The following DLG2 variants were observed in gnomAD, a reference collection of about 807,000 sequenced individuals.
DLG2 encodes discs large MAGUK scaffold protein 2.
DLG2 carries 45 observed loss-of-function variants against 132.5 expected under a neutral mutation model. That is an observed-to-expected ratio of 0.34 (90% CI 0.27 to 0.44). The LOEUF is 0.44. DLG2 is among the 20% of genes least tolerant of loss of function. DLG2 has a pLI of 1.00. For missense variants in DLG2, 1,045 were observed against 1,196.9 expected (o/e 0.87, Z 1.87); for synonymous variants, 424 against 419.6 (o/e 1.01, Z -0.13).
chr11:85,139,674 A>G (rs1016958940), intron 5 of DLG2, among the ~76,000 whole-genome samples: 1 of 151,972 alleles, frequency 6.6e-6, no homozygotes, highest in African/African-American at 2.4e-5. Context: ...CATGAATCCC[A>G]TATATAATAC....
intron 6 of DLG2, among the ~76,000 whole-genome samples, chr11:84,929,595 G>C (rs554538759): frequency 1.3e-5 from 2 of 152,172 alleles, no homozygotes; most frequent in African/African-American, 4.8e-5. Flanking sequence ...ATTCTGAACT[G>C]TTGAAAACTT....
At chr11:84,546,517 A>G in intron 6 of DLG2, 1 of 322,908 alleles carries the variant, frequency 3.1e-6, no homozygotes, top group South Asian at 2.9e-5. Flanking sequence ...TGATACAGCC[A>G]TCAACAAATA....
chr11:83,851,762 A>C (rs929902935), intron 16 of DLG2, among the ~76,000 whole-genome samples: 1 of 151,584 alleles, frequency 6.6e-6, no homozygotes, highest in African/African-American at 2.4e-5. Context: ...TCTGCTAAAA[A>C]AACAAAAATT....
At chr11:84,650,865 G>GTATATATA (rs1416161421) in intron 6 of DLG2, among the ~76,000 whole-genome samples, 1,254 of 87,620 alleles carry the variant, frequency 0.014, 12 homozygotes, top group Non-Finnish European at 0.021. Flanking sequence ...GTGTGTGTGT[G>GTATATATA]TGTGTGTGTA....
At chr11:84,184,966 T>G (rs1035977666) in intron 8 of DLG2, among the ~76,000 whole-genome samples, 1 of 152,226 alleles carries the variant, frequency 6.6e-6, no homozygotes, top group Non-Finnish European at 1.5e-5. Context: ...CTGTTTTGGT[T>G]ACTGTAGCCT....
At chr11:85,515,480 C>T (rs1171299420) in intron 3 of DLG2, among the ~76,000 whole-genome samples, 2 of 151,962 alleles carry the variant, frequency 1.3e-5, no homozygotes, top group African/African-American at 2.4e-5. Flanking sequence ...TTGTAAACCT[C>T]TTAGTCTTAA....
At chr11:83,862,286 G>A (rs959932619) in intron 16 of DLG2, among the ~76,000 whole-genome samples, 1 of 152,036 alleles carries the variant, frequency 6.6e-6, no homozygotes, top group Non-Finnish European at 1.5e-5. Context: ...TCCTGTCATT[G>A]GCAACAACAC....
intron 15 of DLG2, among the ~76,000 whole-genome samples, chr11:83,921,681 C>G (rs1344174248): frequency 6.6e-6 from 1 of 152,102 alleles, no homozygotes; most frequent in Non-Finnish European, 1.5e-5. Flanking sequence ...GTTTCCTTCA[C>G]AAAGGAATGC....
At chr11:85,048,519 A>G (rs962826213) in intron 6 of DLG2, among the ~76,000 whole-genome samples, 1 of 151,988 alleles carries the variant, frequency 6.6e-6, no homozygotes, top group East Asian at 1.9e-4. Flanking sequence ...GTCCAGAGAA[A>G]TGTGAGAAAT....
chr11:83,581,306 A>T (rs1484873384), intron 19 of DLG2, among the ~76,000 whole-genome samples: 13 of 152,198 alleles, frequency 8.5e-5, no homozygotes, highest in Admixed American at 8.5e-4. Context: ...GAGACAGTCC[A>T]GTTGGGAACT....
intron 19 of DLG2, among the ~76,000 whole-genome samples, chr11:83,599,029 T>G (rs2153365639): frequency 6.6e-6 from 1 of 152,342 alleles, no homozygotes; most frequent in East Asian, 1.9e-4. Flanking sequence ...TAGCTTGGAT[T>G]GCTGCAGCAG....
At chr11:84,743,941 G>C (rs187312597) in intron 6 of DLG2, among the ~76,000 whole-genome samples, 2 of 152,158 alleles carry the variant, frequency 1.3e-5, no homozygotes, top group East Asian at 3.9e-4. Context: ...GGCCAGGCTG[G>C]TCTTGAACTC....
intron 4 of DLG2, among the ~76,000 whole-genome samples, chr11:85,191,775 C>T (rs985036335): frequency 3.3e-5 from 5 of 152,114 alleles, no homozygotes; most frequent in Middle Eastern, 3.2e-3. Context: ...GATGGGCAGG[C>T]AGACATTCCA....
intron 3 of DLG2, among the ~76,000 whole-genome samples, chr11:85,296,369 C>T (rs992452799): frequency 6.6e-6 from 1 of 151,174 alleles, no homozygotes; most frequent in African/African-American, 2.4e-5. Flanking sequence ...CTGTCTCTGA[C>T]ATGTAAAATA....
chr11:84,600,018 G>A (rs1055310030), intron 6 of DLG2, among the ~76,000 whole-genome samples: 3 of 149,908 alleles, frequency 2.0e-5, no homozygotes, highest in East Asian at 2.0e-4. Context: ...TGAGCCCTGC[G>A]AGGCTGAGGC....
chr11:84,109,102 ATACT>A (rs777473496), intron 9 of DLG2, among the ~76,000 whole-genome samples: 9 of 152,084 alleles, frequency 5.9e-5, no homozygotes, highest in Non-Finnish European at 1.0e-4. Context: ...AAGAAAAAAA[ATACT>A]TACATCGTCA....
chr11:83,927,484 C>T (rs1284482300), intron 15 of DLG2, among the ~76,000 whole-genome samples: 5 of 152,000 alleles, frequency 3.3e-5, no homozygotes, highest in African/African-American at 1.2e-4. Context: ...CTTTCCAATT[C>T]CAGGGAAAAG....
chr11:83,691,851 T>C (rs941261330), intron 18 of DLG2, among the ~76,000 whole-genome samples: 1 of 152,126 alleles, frequency 6.6e-6, no homozygotes, highest in Admixed American at 6.5e-5. Context: ...AGACCAGACA[T>C]GTGAACATAA....
At chr11:85,170,662 A>G (rs2078791527) in intron 4 of DLG2, among the ~76,000 whole-genome samples, 2 of 152,174 alleles carry the variant, frequency 1.3e-5, no homozygotes, top group South Asian at 4.1e-4. Flanking sequence ...CAACTATCTG[A>G]GGCTGGTATT....
Sources: gnomAD v4.1 joint callset for allele counts (sites outside exome capture counted in the v4.1 genomes callset) on GRCh38, gnomAD v4.1.1 for gene constraint, MANE v1.5 for transcripts, NCBI Gene and HGNC (gene_info 2026-07-23, HGNC 2026-07-21) for gene names.